ITGAX: variants seen among roughly 807,000 people sequenced by gnomAD.
The protein encoded by ITGAX is integrin alpha-X.
A neutral mutation model predicts 140.2 loss-of-function variants in ITGAX; 99 were observed. The ratio of observed to expected loss-of-function variants is 0.71; its 90% confidence interval spans 0.60 to 0.83. ITGAX has a LOEUF of 0.83. Ranked by LOEUF, ITGAX falls within the 40% of genes least tolerant of loss-of-function variation. The probability of loss-of-function intolerance (pLI) is 0.00; values close to 1 mark genes in which losing one functional copy is unlikely to be tolerated. For missense variants in ITGAX, 1,444 were observed against 1,482.0 expected (o/e 0.97, Z 0.42); for synonymous variants, 631 against 600.4 (o/e 1.05, Z -0.75).
rs200606612 is a variant in ITGAX at position 31,362,112 on chromosome 16, G to C, written c.1124G>C (p.Trp375Ser). ...CTGGGGGCTGTGGGGAGCTTCACCT[G>C]GTCTGGAGGTGCCTTCCTGTACCCC... Reference protein sequence around the residue: ...PVLGAVGSFTWSGGAFLYPPN... With the variant: ...PVLGAVGSFTSSGGAFLYPPN... Residue 375 changes from tryptophan to serine, a missense_variant, in exon 11 of 30, where the codon TGG becomes TCG. Physicochemically the swap from Trp to Ser is radical, Grantham distance 177. Coordinates refer to ENST00000268296, the MANE Select transcript of ITGAX (RefSeq NM_000887.5). 1.4e-5 allele frequency: 22 copies of C among 1,614,000 alleles called. No individual in the cohort carries two copies. Among genetic ancestry groups the C allele is most frequent in the Non-Finnish European group, 1.8e-5 (21 of 1,180,012 alleles).
rs763511730 is a variant in ITGAX at position 31,376,840 on chromosome 16, C to A, written c.2550C>A (p.Ser850Arg). Residue 850 changes from serine to arginine, a missense_variant, in exon 21 of 30, where the codon AGC becomes AGA. Coordinates refer to ENST00000268296, the MANE Select transcript of ITGAX (RefSeq NM_000887.5). ...GTTCCCTGCACCTGACATGTGACAG[C>A]GCCCCAGTTGGGAGCCAGGGCACCT... ...QLRSLHLTCD[S>R]APVGSQGTWS... The A allele has an allele frequency of 6.2e-7, 1 of 1,614,086 alleles. No homozygotes were observed. The highest frequency in any genetic ancestry group is 1.7e-5 in the Admixed American group (1 of 60,004).
At position 31,382,804 on chromosome 16, in the gene ITGAX, G is replaced by A. The variant is rs1034483908; in HGVS notation, c.*897G>A. 1 of 417,652 alleles carries A rather than the reference G, an allele frequency of 2.4e-6. No individual in the cohort carries two copies. The highest frequency in any genetic ancestry group is 4.3e-6 in the Non-Finnish European group (1 of 230,992). 25.9% of individuals were successfully genotyped at this position (417,652 alleles called of 1,614,324 possible). A position where few individuals can be genotyped will look rare whatever the true frequency, so the allele number is the denominator to read the frequency against. On this transcript the variant is annotated 3_prime_UTR_variant, in exon 30 of 30. Coordinates refer to ENST00000268296, the MANE Select transcript of ITGAX (RefSeq NM_000887.5). Reference sequence around the variant, plus strand: ...GCGGCTGCAGCTCACCCAGCCCCAGGGGCAGAAGAGACCCAACCACTTCTA... The same window carrying A: ...GCGGCTGCAGCTCACCCAGCCCCAGAGGCAGAAGAGACCCAACCACTTCTA...
intron 23 of ITGAX, 54 bp downstream of exon 23, chr16:31,377,319 GAAA>G (rs11411067): frequency 3.5e-5 from 36 of 1,041,254 alleles, no homozygotes; most frequent in Admixed American, 1.0e-4. Flanking sequence ...ACCTCAAAAA[GAAA>G]AAAAAAAAAA....
chr16:31,371,618 G>A lies in ITGAX; in HGVS notation c.2006-12G>A, dbSNP rs372665358. On this transcript the variant is annotated splice_polypyrimidine_tract_variant and intron_variant, in intron 16 of 29. Coordinates refer to ENST00000268296, the MANE Select transcript of ITGAX (RefSeq NM_000887.5). The stretch of plus-strand genomic sequence containing the variant: ...GTTCCTGTCTCAACGCCGTCCCTGC[G>A]ACCGCCTACAGGTGACCTCCAAAGC... 2.2e-5 allele frequency: 36 copies of A among 1,613,480 alleles called. No individual in the cohort carries two copies. The highest frequency in any genetic ancestry group is 1.7e-4 in the Admixed American group (10 of 59,958).
intron 19 of ITGAX, among the ~76,000 whole-genome samples, chr16:31,373,039 G>T (rs191222727): frequency 5.3e-4 from 80 of 152,046 alleles, no homozygotes; most frequent in African/African-American, 1.8e-3. Flanking sequence ...GCTGCAGTGA[G>T]CCATAATCAC....
chr16:31,357,769 T>A, intron 5 of ITGAX: 1 of 416,476 alleles, frequency 2.4e-6, no homozygotes, highest in Non-Finnish European at 4.2e-6. Context: ...CCAATTGGTT[T>A]GTGCCGTAGT....
chr16:31,380,671 T>TA lies in ITGAX; in HGVS notation c.3276+48dup. 3 of 1,596,470 alleles carry TA rather than the reference T, an allele frequency of 1.9e-6. No homozygotes were observed. In the South Asian group the frequency reaches 3.3e-5, roughly 18 times the overall value. On this transcript the variant is annotated intron_variant, in intron 28 of 29. Transcript: ENST00000268296. ...GCGACCAGGCTGGAAAGAGGGCCCC[T>TA]AGGGCTACATCTGTGGTGCTGGGTG...
intron 8 of ITGAX, 79 bp downstream of exon 8, chr16:31,360,542 C>A: frequency 7.5e-7 from 1 of 1,338,868 alleles, no homozygotes; most frequent in Non-Finnish European, 1.0e-6. Flanking sequence ...GTTCTTTTCT[C>A]TTTGAGACAG....
intron 14 of ITGAX, among the ~76,000 whole-genome samples, chr16:31,365,913 A>T (rs2080888213): frequency 6.7e-6 from 1 of 149,570 alleles, no homozygotes; most frequent in African/African-American, 2.4e-5. Context: ...ATAGAGTGAG[A>T]CTCCATCTCT....
rs756168469 is a variant in ITGAX at position 31,380,057 on chromosome 16, C to A, written c.3052C>A (p.Pro1018Thr). 3.1e-6 allele frequency: 5 copies of A among 1,614,020 alleles called. No homozygotes were observed. Among genetic ancestry groups the A allele is most frequent in the Non-Finnish European group, 4.2e-6 (5 of 1,179,922 alleles). ...CTTCCTGGCGCACATTCAGAAGAAT[C>A]CCGTGCTGGTGAGGAGGGCTCTGGG... The part of the protein sequence containing the change: ...SDFLAHIQKN[P>T]VLDCSIAGCL... Residue 1018 changes from proline (P) to threonine (T), a missense_variant, in exon 26 of 30, where the codon CCC becomes ACC. Pro to Thr is a conservative substitution (Grantham distance 38, BLOSUM62 -1). Coordinates refer to ENST00000268296, the MANE Select transcript of ITGAX (RefSeq NM_000887.5).
Position 31,379,601 on chromosome 16 carries a change from A to G in ITGAX, c.2823A>G (p.Ser941=), listed in dbSNP as rs202205970. The G allele has an allele frequency of 1.4e-4, 225 of 1,563,424 alleles. No individual in the cohort carries two copies. The highest frequency in any genetic ancestry group is 4.6e-4 in the Admixed American group (24 of 51,954). The change falls in exon 24 of 30, where the codon TCA becomes TCG. Residue 941 remains serine (S), a synonymous_variant. Coordinates refer to ENST00000268296, the MANE Select transcript of ITGAX (RefSeq NM_000887.5). ...AATTCACCAAATACCTCAACTTCTC[A>G]GAGTCTGAGGAGAAGGAAAGCCATG... ...HEQFTKYLNF[S]ESEEKESHVA...
Position 31,376,872 on chromosome 16 carries a change from C to T in ITGAX, c.2582C>T (p.Thr861Ile). The change falls in exon 21 of 30, where the codon ACC becomes ATC. Residue 861 changes from threonine to isoleucine, a missense_variant. Physicochemically the swap from Thr to Ile is moderately conservative, Grantham distance 89 (BLOSUM62 -1). Coordinates refer to ENST00000268296, the MANE Select transcript of ITGAX (RefSeq NM_000887.5). Reference protein sequence around the residue: ...APVGSQGTWSTSCRINHLIFR... With the variant: ...APVGSQGTWSISCRINHLIFR... The stretch of plus-strand genomic sequence containing the variant: ...GTTGGGAGCCAGGGCACCTGGAGCA[C>T]CAGCTGCAGAATCAACCACCTCATC... 6.2e-7 allele frequency: 1 copy of T among 1,614,232 alleles called. No individual in the cohort carries two copies. Among genetic ancestry groups the T allele is most frequent in the Non-Finnish European group, 8.5e-7 (1 of 1,180,054 alleles).
chr16:31,355,380 G>A (rs2080748069), intron 1 of ITGAX, 89 bp downstream of exon 1: 2 of 1,405,034 alleles, frequency 1.4e-6, no homozygotes. Context: ...GGGGGGTTAG[G>A]ATCTGGGTAG....
At position 31,360,473 on chromosome 16, in the gene ITGAX, G is replaced by A; in HGVS notation, c.861+10G>A. ...CCGCTATGCAATTGGGGTAGGGCGT[G>A]GGATGGCTTCCCACTTCTCCCACGG... is the stretch of plus-strand genomic sequence containing the variant. On this transcript the variant is annotated intron_variant, in intron 8 of 29. Coordinates refer to ENST00000268296, the MANE Select transcript of ITGAX (RefSeq NM_000887.5). 1.9e-6 allele frequency: 3 copies of A among 1,594,112 alleles called. No individual in the cohort carries two copies. The highest frequency in any genetic ancestry group is 2.6e-6 in the Non-Finnish European group (3 of 1,169,970).
In ITGAX at chr16:31,371,317, C is replaced by T. The variant is rs370607014; in HGVS notation, c.1842-17C>T. Reference sequence around the variant, plus strand: ...AGGAGCCGACGGCCTGTCCTCAGCTCGGTGCTCTGCCCGCAGGACCAGACC... The same window carrying T: ...AGGAGCCGACGGCCTGTCCTCAGCTTGGTGCTCTGCCCGCAGGACCAGACC... On this transcript the variant is annotated splice_polypyrimidine_tract_variant and intron_variant, in intron 15 of 29. Transcript: ENST00000268296. 37 of 1,613,250 alleles carry T rather than the reference C, an allele frequency of 2.3e-5. No individual in the cohort carries two copies. The highest frequency in any genetic ancestry group is 1.3e-4 in the African/African-American group (10 of 74,910).
intron 2 of ITGAX, 48 bp downstream of exon 2, chr16:31,356,046 G>A (rs1232289507): frequency 2.9e-6 from 4 of 1,380,768 alleles, no homozygotes; most frequent in Non-Finnish European, 4.1e-6. Flanking sequence ...TCCTCTCCCT[G>A]CTCAGGGCCC....
In ITGAX at chr16:31,357,147, G is replaced by A. The variant is rs748402544; in HGVS notation, c.318+46G>A. The stretch of plus-strand genomic sequence containing the variant: ...GGAGGCTTCTGAGGGAGGGAGGGAG[G>A]AGCCGGGGCCGCGGGGGGCTGGGAG... On this transcript the variant is annotated intron_variant, in intron 4 of 29. Coordinates refer to ENST00000268296, the MANE Select transcript of ITGAX (RefSeq NM_000887.5). The A allele has an allele frequency of 8.2e-6, 13 of 1,583,364 alleles. No homozygotes were observed. In the East Asian group the frequency reaches 1.8e-4, roughly 22 times the overall value.
In ITGAX at chr16:31,371,623, C is replaced by T; in HGVS notation, c.2006-7C>T. The T allele has an allele frequency of 6.2e-7, 1 of 1,614,138 alleles. No homozygotes were observed. On this transcript the variant is annotated splice_polypyrimidine_tract_variant and splice_region_variant and intron_variant, in intron 16 of 29. Coordinates refer to ENST00000268296, the MANE Select transcript of ITGAX (RefSeq NM_000887.5). ...TGTCTCAACGCCGTCCCTGCGACCG[C>T]CTACAGGTGACCTCCAAAGCTCTGT...
Position 31,380,831 on chromosome 16 carries a change from G to T in ITGAX, c.3277-66G>T, listed in dbSNP as rs912040643. ...GGAGGGGAGGGAGTTAAAGGTTGGG[G>T]AGCCTGGGAGGAGTCTGGGATAGTA... On this transcript the variant is annotated intron_variant, in intron 28 of 29. Coordinates refer to ENST00000268296, the MANE Select transcript of ITGAX (RefSeq NM_000887.5). 4.2e-6 allele frequency: 6 copies of T among 1,444,238 alleles called. No homozygotes were observed. In the African/African-American group the frequency reaches 8.4e-5, roughly 20 times the overall value. The allele number at this position is 1,444,238 out of a possible 1,614,324, so 89.5% of individuals were successfully genotyped here. A position where few individuals can be genotyped will look rare whatever the true frequency, so the allele number is the denominator to read the frequency against.
Sources: gnomAD v4.1 joint callset for allele counts (sites outside exome capture counted in the v4.1 genomes callset) on GRCh38, gnomAD v4.1.1 for gene constraint, MANE v1.5 for transcripts, NCBI Gene and HGNC (gene_info 2026-07-23, HGNC 2026-07-21) for gene names.